The following GNAI1 variants were observed in gnomAD, a reference collection of about 807,000 sequenced individuals.
The protein encoded by GNAI1 is guanine nucleotide-binding protein G(i) subunit alpha-1.
A neutral mutation model predicts 38.9 loss-of-function variants in GNAI1; 11 were observed. The observed-to-expected ratio is 0.28, with a 90% confidence interval of 0.18 to 0.47. The LOEUF (loss-of-function observed/expected upper bound fraction) is 0.47. GNAI1 is among the 20% of genes least tolerant of loss of function. The pLI is 0.99. For missense variants in GNAI1, 317 were observed against 436.9 expected (o/e 0.73, Z 2.45); for synonymous variants, 166 against 145.1 (o/e 1.14, Z -1.04).
intron 5 of GNAI1, among the ~76,000 whole-genome samples, chr7:80,209,772 A>G (rs565616142): frequency 8.5e-5 from 13 of 152,282 alleles, no homozygotes; most frequent in Admixed American, 3.9e-4. Flanking sequence ...ATGGTAACCC[A>G]ATTTATATCA....
At chr7:80,213,319 A>G (rs1788904371) in intron 7 of GNAI1, among the ~76,000 whole-genome samples, 1 of 152,164 alleles carries the variant, frequency 6.6e-6, no homozygotes, top group Non-Finnish European at 1.5e-5. Flanking sequence ...TGAGGCAGCT[A>G]ACTCTTCCAG....
intron 7 of GNAI1, among the ~76,000 whole-genome samples, chr7:80,214,015 G>C (rs1788917659): frequency 6.6e-6 from 1 of 152,050 alleles, no homozygotes; most frequent in South Asian, 2.1e-4. Context: ...GAATACCGGG[G>C]CTTCCTGAAG....
At position 80,198,131 on chromosome 7, in the gene GNAI1, C is replaced by CT. The variant is rs539169697; in HGVS notation, c.304-1094_304-1093insT. On this transcript the variant is annotated intron_variant, in intron 3 of 7. Coordinates refer to ENST00000649796, the MANE Select transcript of GNAI1 (RefSeq NM_002069.6). ...ACTTGGAAACTAGAGTTAGGTTATC[C>CT]AGTATGGTAGCTACTATCCGCATGT... Among the ~76,000 whole-genome samples, 81 of 151,274 alleles carry CT rather than the reference C, an allele frequency of 5.4e-4. 3 individuals are homozygous for CT. The South Asian group carries it at 0.017, about 32-fold the overall frequency.
intron 1 of GNAI1, among the ~76,000 whole-genome samples, chr7:80,156,187 ATCT>A (rs1339168357): frequency 6.6e-6 from 1 of 152,112 alleles, no homozygotes; most frequent in Non-Finnish European, 1.5e-5. Flanking sequence ...CATTTGCATA[ATCT>A]TCTCACTTTT....
chr7:80,159,350 A>C (rs895218210), intron 1 of GNAI1, among the ~76,000 whole-genome samples: 1 of 152,046 alleles, frequency 6.6e-6, no homozygotes, highest in Non-Finnish European at 1.5e-5. Context: ...GTACATTGAT[A>C]CCCTGTAGCC....
At chr7:80,180,330 T>A (rs1157769455) in intron 1 of GNAI1, among the ~76,000 whole-genome samples, 1 of 149,176 alleles carries the variant, frequency 6.7e-6, no homozygotes, top group African/African-American at 2.6e-5. Context: ...AAAGTGTGTG[T>A]GTGTGTGTGT....
chr7:80,179,674 A>C (rs1263352535), intron 1 of GNAI1, among the ~76,000 whole-genome samples: 1 of 152,200 alleles, frequency 6.6e-6, no homozygotes, highest in East Asian at 1.9e-4. Context: ...TTTCATAAAT[A>C]CTGTGAAAAG....
intron 1 of GNAI1, among the ~76,000 whole-genome samples, chr7:80,137,348 T>C (rs948057399): frequency 1.7e-5 from 2 of 120,506 alleles, no homozygotes; most frequent in African/African-American, 6.7e-5. Flanking sequence ...TGAGACGGAG[T>C]CTTGCGCAGT....
intron 1 of GNAI1, chr7:80,135,694 G>A (rs2085266228): frequency 1.4e-5 from 4 of 284,640 alleles, no homozygotes; most frequent in South Asian, 1.5e-4. Flanking sequence ...ACCCTTCTTC[G>A]TGTGCGGTGT....
chr7:80,164,584 G>C (rs577910817), intron 1 of GNAI1, among the ~76,000 whole-genome samples: 2 of 151,956 alleles, frequency 1.3e-5, no homozygotes, highest in African/African-American at 2.4e-5. Flanking sequence ...GGATGGTCTT[G>C]ATCTCCTGAC....
rs1428467079 is a variant in GNAI1, at chr7:80,134,988, C to G, written c.-173C>G. Reference sequence around the variant, plus strand: ...GTGAGGAACAGCCGCCCGTTGCTGTCTGCCCCTTTGCGGACAGCGTCTCCC... The same window carrying G: ...GTGAGGAACAGCCGCCCGTTGCTGTGTGCCCCTTTGCGGACAGCGTCTCCC... On this transcript the variant is annotated 5_prime_UTR_variant, in exon 1 of 8. Transcript: ENST00000649796. The G allele has an allele frequency of 1.9e-5, 8 of 415,918 alleles. No individual in the cohort carries two copies. Among genetic ancestry groups the G allele is most frequent in the Non-Finnish European group, 3.4e-5 (8 of 236,418 alleles). The allele number at this position is 415,918 out of a possible 1,614,324, so 25.8% of individuals were successfully genotyped here. A position where few individuals can be genotyped will look rare whatever the true frequency, so the allele number is the denominator to read the frequency against.
At chr7:80,177,690 A>T (rs955368563) in intron 1 of GNAI1, among the ~76,000 whole-genome samples, 2 of 152,064 alleles carry the variant, frequency 1.3e-5, no homozygotes, top group Admixed American at 6.6e-5. Context: ...TGTTGTCCAG[A>T]TTGGTCTTGT....
chr7:80,191,044 CTT>C (rs963936051), intron 3 of GNAI1, among the ~76,000 whole-genome samples: 2 of 152,052 alleles, frequency 1.3e-5, no homozygotes, highest in African/African-American at 4.8e-5. Context: ...TTGACCCACT[CTT>C]TTTAGACTGT....
intron 1 of GNAI1, 24 bp from the exon 2 acceptor site, chr7:80,188,927 A>G: frequency 6.6e-7 from 1 of 1,523,602 alleles, no homozygotes; most frequent in South Asian, 1.1e-5. Flanking sequence ...GAAATTAGAA[A>G]CCTTTTATGT....
intron 4 of GNAI1, among the ~76,000 whole-genome samples, chr7:80,201,897 G>A (rs1383829693): frequency 1.3e-5 from 2 of 152,104 alleles, no homozygotes; most frequent in Admixed American, 6.5e-5. Flanking sequence ...TGATCTATGA[G>A]TTCTTGACTG....
intron 1 of GNAI1, among the ~76,000 whole-genome samples, chr7:80,143,180 G>A (rs982091494): frequency 2.0e-5 from 3 of 152,058 alleles, no homozygotes; most frequent in Admixed American, 6.6e-5. Flanking sequence ...GTCAAATTAC[G>A]CATTAGCCTT....
intron 1 of GNAI1, among the ~76,000 whole-genome samples, chr7:80,139,488 T>C (rs1393417056): frequency 6.6e-6 from 1 of 152,230 alleles, no homozygotes; most frequent in Non-Finnish European, 1.5e-5. Context: ...TTTCTGGTAT[T>C]GTTTATCCTT....
chr7:80,219,970 A>G lies in GNAI1; in HGVS notation c.*2477A>G, dbSNP rs537985841. 3.4e-4 allele frequency among the ~76,000 whole-genome samples: 52 copies of G among 152,252 alleles called. 2 individuals carry two copies. In the Middle Eastern group the frequency reaches 0.014, roughly 40 times the overall value. On this transcript the variant is annotated 3_prime_UTR_variant, in exon 8 of 8. Coordinates refer to ENST00000649796, the MANE Select transcript of GNAI1 (RefSeq NM_002069.6). ...CTACTACCTATTCAAGTCTTTGCTA[A>G]ACTTCCTCTTAAAATGGCATTATTA... is the stretch of plus-strand genomic sequence containing the variant.
At chr7:80,191,257 C>G (rs1165766140) in intron 3 of GNAI1, among the ~76,000 whole-genome samples, 2 of 151,968 alleles carry the variant, frequency 1.3e-5, no homozygotes, top group Non-Finnish European at 2.9e-5. Flanking sequence ...CTAAGGAATA[C>G]AAAGACGAAT....
Sources: gnomAD v4.1 joint callset for allele counts (sites outside exome capture counted in the v4.1 genomes callset) on GRCh38, gnomAD v4.1.1 for gene constraint, MANE v1.5 for transcripts, NCBI Gene and HGNC (gene_info 2026-07-23, HGNC 2026-07-21) for gene names.